Variants in CCDC60 observed in about 807,000 individuals in gnomAD.
CCDC60 encodes coiled-coil domain containing 60, also known as coiled-coil domain-containing protein 60.
CCDC60 carries 54 observed loss-of-function variants against 63.5 expected under a neutral mutation model. The ratio of observed to expected loss-of-function variants is 0.85; its 90% CI spans 0.68 to 1.07. The LOEUF is 1.07. CCDC60 is among the 50% of genes least tolerant of loss of function. CCDC60 has a pLI of 0.00. For synonymous variants in CCDC60, 206 were observed against 238.8 expected, an observed-to-expected ratio of 0.86 and a Z score of 1.27; for missense variants, 651 against 684.3, an observed-to-expected ratio of 0.95 and a Z score of 0.54.
At chr12:119,508,114 T>C (rs925218105) in intron 7 of CCDC60, among the ~76,000 whole-genome samples, 4 of 151,550 alleles carry the variant, frequency 2.6e-5, no homozygotes, top group Admixed American at 1.3e-4. Flanking sequence ...AAGATTGCAG[T>C]GAATTATGGT....
At chr12:119,387,074 A>ACACACT (rs1565979875) in intron 1 of CCDC60, among the ~76,000 whole-genome samples, 32 of 142,404 alleles carry the variant, frequency 2.2e-4, no homozygotes, top group African/African-American at 6.9e-4. Flanking sequence ...ACACACACAC[A>ACACACT]CTCTCCAATT....
At chr12:119,482,735 TG>T (rs1951354733) in intron 4 of CCDC60, among the ~76,000 whole-genome samples, 2 of 152,156 alleles carry the variant, frequency 1.3e-5, no homozygotes, top group South Asian at 4.1e-4. Context: ...TAAGTCTACA[TG>T]TCAGCAGGGT....
intron 2 of CCDC60, among the ~76,000 whole-genome samples, chr12:119,469,448 T>C (rs558003407): frequency 5.3e-5 from 8 of 152,196 alleles, no homozygotes; most frequent in African/African-American, 1.9e-4. Context: ...TCAGTAGAAA[T>C]GGGGTTTCAT....
intron 5 of CCDC60, among the ~76,000 whole-genome samples, chr12:119,495,336 G>A (rs1050155943): frequency 1.3e-5 from 2 of 152,076 alleles, no homozygotes; most frequent in Admixed American, 6.5e-5. Context: ...TTTCTGGGAG[G>A]CCCCAGGATA....
chr12:119,375,638 G>T (rs546455139), intron 1 of CCDC60, among the ~76,000 whole-genome samples: 39 of 152,348 alleles, frequency 2.6e-4, no homozygotes, highest in African/African-American at 9.4e-4. Context: ...ATAATGGGGT[G>T]TGGAGTCAGG....
intron 3 of CCDC60, among the ~76,000 whole-genome samples, chr12:119,474,005 A>C (rs2136332150): frequency 6.6e-6 from 1 of 152,368 alleles, no homozygotes; most frequent in East Asian, 1.9e-4. Flanking sequence ...TTGCTGGATC[A>C]AATGGTAGTT....
intron 1 of CCDC60, among the ~76,000 whole-genome samples, chr12:119,349,806 A>T (rs924888068): frequency 1.3e-4 from 20 of 152,166 alleles, no homozygotes; most frequent in Non-Finnish European, 1.0e-4. Flanking sequence ...TGTTCATTGA[A>T]TGAAGCCTGG....
intron 2 of CCDC60, chr12:119,433,241 G>A (rs1207576384): frequency 3.0e-5 from 18 of 609,418 alleles, no homozygotes; most frequent in Non-Finnish European, 5.2e-5. Flanking sequence ...AGACCCAGTA[G>A]AATAGAGGGG....
chr12:119,420,171 C>T lies in CCDC60; in HGVS notation c.91-8512C>T, dbSNP rs773766386. ...GATTACAGGTATAAGCCACCATGCC[C>T]GGCCTGTTAAGTAATTCTATAGTAT... On this transcript the variant is annotated intron_variant, in intron 1 of 13. Transcript: ENST00000327554. The surrounding 1 kb of genome is among the most constrained non-coding windows in gnomAD (Gnocchi z 4.1). 2.8e-4 allele frequency among the ~76,000 whole-genome samples: 43 copies of T among 152,206 alleles called. No individual in the cohort carries two copies. Among genetic ancestry groups the T allele is most frequent in the Middle Eastern group, 3.4e-3 (1 of 294 alleles).
chr12:119,458,286 G>A (rs1950785552), intron 2 of CCDC60, among the ~76,000 whole-genome samples: 1 of 152,214 alleles, frequency 6.6e-6, no homozygotes, highest in Admixed American at 6.5e-5. Flanking sequence ...ATTGCCATGA[G>A]TGTTTGTTCA....
At chr12:119,449,492 A>G (rs1950594011) in intron 2 of CCDC60, among the ~76,000 whole-genome samples, 1 of 152,194 alleles carries the variant, frequency 6.6e-6, no homozygotes, top group Non-Finnish European at 1.5e-5. Context: ...GCTCCATCCA[A>G]AGAAAATGCG....
chr12:119,533,490 GC>G (rs1952917346), intron 13 of CCDC60, among the ~76,000 whole-genome samples: 1 of 152,144 alleles, frequency 6.6e-6, no homozygotes, highest in Admixed American at 6.5e-5. Context: ...TGAAGTCTTT[GC>G]CCATGCCTAT....
At chr12:119,472,875 C>G (rs1191058119) in intron 3 of CCDC60, among the ~76,000 whole-genome samples, 1 of 152,070 alleles carries the variant, frequency 6.6e-6, no homozygotes, top group Non-Finnish European at 1.5e-5. Flanking sequence ...GCCACCACGC[C>G]CGGCCTCCTT....
At chr12:119,489,791 C>T (rs1029717422) in intron 5 of CCDC60, among the ~76,000 whole-genome samples, 1 of 151,954 alleles carries the variant, frequency 6.6e-6, no homozygotes, top group Admixed American at 6.6e-5. Context: ...TCTTCCTCTT[C>T]CCAAAACCTG....
intron 1 of CCDC60, among the ~76,000 whole-genome samples, chr12:119,344,225 A>G (rs1592977404): frequency 1.3e-5 from 2 of 152,136 alleles, no homozygotes; most frequent in Non-Finnish European, 2.9e-5. Flanking sequence ...TGACAACGAA[A>G]AACATCTCAG....
At position 119,391,086 on chromosome 12, in the gene CCDC60, T is replaced by C. The variant is rs143156971; in HGVS notation, c.91-37597T>C. Reference sequence around the variant, plus strand: ...CTGCATGACTTTACTTTTTATAAAATGTGAGGGGAGGATTTGAGGATGCTG... The same window carrying C: ...CTGCATGACTTTACTTTTTATAAAACGTGAGGGGAGGATTTGAGGATGCTG... On this transcript the variant is annotated intron_variant, in intron 1 of 13. Transcript: ENST00000327554. Among the ~76,000 whole-genome samples the C allele has an allele frequency of 3.2e-4, 49 of 152,300 alleles. No homozygotes were observed. The East Asian group carries it at 7.5e-3, about 23-fold the overall frequency.
rs1396851955 is a variant in CCDC60, at chr12:119,445,265, C to T, written c.170+16503C>T. 3.3e-5 allele frequency among the ~76,000 whole-genome samples: 5 copies of T among 151,638 alleles called. No homozygotes were observed. The South Asian group carries it at 1.0e-3, about 32-fold the overall frequency. On this transcript the variant is annotated intron_variant, in intron 2 of 13. Coordinates refer to ENST00000327554, the MANE Select transcript of CCDC60 (RefSeq NM_178499.5). The stretch of plus-strand genomic sequence containing the variant: ...CCTGGTCAACATGGTGAAACCCCGT[C>T]TCTACTAAAAATACAAAAATTAGCC...
intron 4 of CCDC60, among the ~76,000 whole-genome samples, chr12:119,487,010 G>A (rs911845944): frequency 2.6e-5 from 4 of 152,210 alleles, no homozygotes; most frequent in Non-Finnish European, 5.9e-5. Context: ...CTTGCGGGGA[G>A]GGGGGTGGCT....
intron 1 of CCDC60, among the ~76,000 whole-genome samples, chr12:119,366,561 G>GAC (rs1042409471): frequency 6.6e-6 from 1 of 152,166 alleles, no homozygotes; most frequent in African/African-American, 2.4e-5. Context: ...ACCCCACTTT[G>GAC]ACACACACAC....
Sources: gnomAD v4.1 joint callset for allele counts (sites outside exome capture counted in the v4.1 genomes callset) on GRCh38, gnomAD v4.1.1 for gene constraint, Gnocchi (gnomAD v3.1) non-coding constraint, MANE v1.5 for transcripts, NCBI Gene and HGNC (gene_info 2026-07-23, HGNC 2026-07-21) for gene names.